Variants in KHDC4 observed in about 807,000 individuals in gnomAD.
The protein encoded by KHDC4 is KH homology domain-containing protein 4.
In KHDC4, 19 loss-of-function variants were observed where a neutral mutation model predicts 74.5. The ratio of observed to expected loss-of-function variants is 0.26; its 90% CI spans 0.18 to 0.37. The LOEUF is 0.37. Ranked by LOEUF, KHDC4 falls within the 10% of genes least tolerant of loss-of-function variation. The probability of loss-of-function intolerance (pLI) is 1.00; values close to 1 mark genes in which losing one functional copy is unlikely to be tolerated. For missense variants in KHDC4, 632 were observed against 754.1 expected (o/e 0.84, Z 1.90); for synonymous variants, 253 against 266.1 (o/e 0.95, Z 0.48).
intron 4 of KHDC4, 23 bp from the exon 5 acceptor site, chr1:155,927,179 A>T (rs141987107): frequency 1.2e-6 from 2 of 1,606,458 alleles, no homozygotes; most frequent in Non-Finnish European, 1.7e-6. Flanking sequence ...ACAAAAAAGG[A>T]TGATCTCAAT....
In KHDC4 at chr1:155,934,361, TC is replaced by T; in HGVS notation, c.12del (p.Ser5AlafsTer72). On this transcript the variant is annotated frameshift_variant, in exon 1 of 14. Transcript: ENST00000368321. LOFTEE classifies it high-confidence loss of function. Reference sequence around the variant, plus strand: ...CCGCCAGCTCCAGGATGTGTCGCGCTCCCCGCGGACATGGCGACCGCTTCTA... The same window carrying T: ...CCGCCAGCTCCAGGATGTGTCGCGCTCCCGCGGACATGGCGACCGCTTCTA... MSAGSATHPGAGGR... is the reference protein window; with the variant it reads MSAXSATHPGAGGR... 1.2e-6 allele frequency: 2 copies of T among 1,611,294 alleles called. No individual in the cohort carries two copies.
chr1:155,933,531 G>A (rs1203364789), intron 2 of KHDC4, 102 bp downstream of exon 2: 11 of 816,528 alleles, frequency 1.3e-5, no homozygotes, highest in South Asian at 3.6e-5. Context: ...TGATCCACCC[G>A]CCTCGGCCTC....
At chr1:155,918,039 G>A (rs538616958) in intron 10 of KHDC4, among the ~76,000 whole-genome samples, 2 of 152,258 alleles carry the variant, frequency 1.3e-5, no homozygotes, top group Admixed American at 6.5e-5. Context: ...AATGCTTGTG[G>A]AAGAAGCAAT....
At chr1:155,922,735 C>G (rs1673893983) in intron 8 of KHDC4, among the ~76,000 whole-genome samples, 1 of 152,026 alleles carries the variant, frequency 6.6e-6, no homozygotes, top group Non-Finnish European at 1.5e-5. Flanking sequence ...ACCTCAAGTA[C>G]CAACAAAGAT....
chr1:155,916,639 CTCTT>C lies in KHDC4; in HGVS notation c.1535_1538del (p.Lys512ArgfsTer8). On this transcript the variant is annotated frameshift_variant, in exon 12 of 14. Coordinates refer to ENST00000368321, the MANE Select transcript of KHDC4 (RefSeq NM_014949.4). LOFTEE classifies it high-confidence loss of function. Reference sequence around the variant, plus strand: ...TTCCAACTTACCTGTCCCTCTCTCTCTCTTTGCCTGAGGAACTTGCTGGCTTCGA... The same window carrying C: ...TTCCAACTTACCTGTCCCTCTCTCTCTGCCTGAGGAACTTGCTGGCTTCGA... The C allele has an allele frequency of 1.2e-6, 2 of 1,611,912 alleles. No homozygotes were observed. The highest frequency in any genetic ancestry group is 1.7e-6 in the Non-Finnish European group (2 of 1,178,662).
chr1:155,914,364 G>GAAA, intron 13 of KHDC4, 44 bp from the exon 14 acceptor site: 2 of 1,103,826 alleles, frequency 1.8e-6, no homozygotes, highest in African/African-American at 1.7e-5. Flanking sequence ...CCCGCCAAGG[G>GAAA]AAAAAAAAAA....
intron 8 of KHDC4, 123 bp downstream of exon 8, chr1:155,923,504 C>G: frequency 2.8e-6 from 2 of 705,582 alleles, no homozygotes; most frequent in Non-Finnish European, 5.1e-6. Flanking sequence ...TTATTTTAAG[C>G]CACCCAACTG....
At chr1:155,914,598 G>T in intron 13 of KHDC4, 1 of 374,158 alleles carries the variant, frequency 2.7e-6, no homozygotes, top group African/African-American at 2.1e-5. Flanking sequence ...AAGTTAGCAA[G>T]TGAGTCTCTT....
At chr1:155,924,989 G>C (rs1422699039) in intron 7 of KHDC4, among the ~76,000 whole-genome samples, 1 of 150,066 alleles carries the variant, frequency 6.7e-6, no homozygotes, top group Non-Finnish European at 1.5e-5. Context: ...TCAGCCTACT[G>C]AGCAGCTGGG....
chr1:155,913,807 G>A lies in KHDC4; in HGVS notation c.*314C>T, dbSNP rs1306325206. On this transcript the variant is annotated 3_prime_UTR_variant, in exon 14 of 14. Transcript: ENST00000368321. Reference sequence around the variant, plus strand: ...AACTGGGGCTATTCACCTGGAAAAGGCTGACCAGGTCAAATGTGTATGGGA... The same window carrying A: ...AACTGGGGCTATTCACCTGGAAAAGACTGACCAGGTCAAATGTGTATGGGA... The A allele has an allele frequency of 7.2e-6, 2 of 276,186 alleles. No homozygotes were observed. The highest frequency in any genetic ancestry group is 9.6e-5 in the Admixed American group (2 of 20,834). 17.1% of individuals were successfully genotyped at this position (276,186 alleles called of 1,614,324 possible).
chr1:155,917,903 G>A (rs897772473), intron 10 of KHDC4, among the ~76,000 whole-genome samples: 31 of 152,262 alleles, frequency 2.0e-4, no homozygotes, highest in African/African-American at 7.0e-4. Context: ...GAACTTTTAA[G>A]AAAACTCTGT....
intron 8 of KHDC4, among the ~76,000 whole-genome samples, chr1:155,922,767 T>A (rs185951229): frequency 5.3e-5 from 8 of 152,234 alleles, no homozygotes; most frequent in Admixed American, 3.9e-4. Context: ...AAGAAAATTA[T>A]CCGGTACAAG....
Position 155,929,380 on chromosome 1 carries a change from A to G in KHDC4, c.385-5T>C. The G allele has an allele frequency of 6.2e-7, 1 of 1,611,290 alleles. No homozygotes were observed. Among genetic ancestry groups the G allele is most frequent in the Non-Finnish European group, 8.5e-7 (1 of 1,178,302 alleles). ...AGCCCCACTAAGTCGGCTGATCTAA[A>G]AAAGGAAATGTTCAATTAAAAAAAT... is the stretch of plus-strand genomic sequence containing the variant. On this transcript the variant is annotated splice_region_variant and splice_polypyrimidine_tract_variant and intron_variant, in intron 3 of 13. Coordinates refer to ENST00000368321, the MANE Select transcript of KHDC4 (RefSeq NM_014949.4).
intron 1 of KHDC4, 82 bp from the exon 2 acceptor site, chr1:155,933,931 T>C: frequency 9.1e-7 from 1 of 1,100,446 alleles, no homozygotes; most frequent in Non-Finnish European, 1.3e-6. Flanking sequence ...AGCACCCCAT[T>C]TTCCCTCTAT....
In KHDC4 at chr1:155,929,320, T is replaced by A. The variant is rs778427240; in HGVS notation, c.440A>T (p.Glu147Val). ...CCCTGGTCCCACTTTGGCTTTTTCC[T>A]CAGTTGTCATGAACCTCCCTCGAGT... The part of the protein sequence containing the change: ...VSTRGRFMTT[E>V]EKAKVGPGDR... The change falls in exon 4 of 14, where the codon GAG becomes GTG. Residue 147 changes from glutamate to valine, a missense_variant. Around this residue, in one of 4 missense-constraint regions of KHDC4, gnomAD observed 233 missense variants for 342.6 expected, o/e 0.68. Coordinates refer to ENST00000368321, the MANE Select transcript of KHDC4 (RefSeq NM_014949.4). The A allele has an allele frequency of 5.6e-6, 9 of 1,613,978 alleles. No homozygotes were observed. In the South Asian group the frequency reaches 9.9e-5, roughly 18 times the overall value.
At chr1:155,922,133 A>G (rs1465755198) in intron 8 of KHDC4, 2 of 288,800 alleles carry the variant, frequency 6.9e-6, no homozygotes, top group Non-Finnish European at 1.3e-5. Context: ...GCGATCTTGT[A>G]TCACTGCAAA....
intron 8 of KHDC4, 124 bp downstream of exon 8, chr1:155,923,503 G>T: frequency 1.4e-6 from 1 of 701,884 alleles, no homozygotes; most frequent in Non-Finnish European, 2.6e-6. Context: ...GTTATTTTAA[G>T]CCACCCAACT....
chr1:155,926,145 T>C (rs1367413076), intron 6 of KHDC4: 8 of 560,298 alleles, frequency 1.4e-5, no homozygotes, highest in Non-Finnish European at 2.7e-5. Flanking sequence ...ACAACATGTA[T>C]ACCTTCTGCT....
chr1:155,917,936 T>C (rs1008231835), intron 10 of KHDC4, among the ~76,000 whole-genome samples: 2 of 152,150 alleles, frequency 1.3e-5, no homozygotes, highest in Admixed American at 1.3e-4. Context: ...CTACTAGGAG[T>C]AAACATGACC....
Sources: allele counts gnomAD v4.1 joint callset (sites outside exome capture counted in the v4.1 genomes callset), GRCh38; gene constraint gnomAD v4.1.1; regional missense constraint gnomAD v4.1.1; transcripts MANE v1.5; gene names NCBI Gene and HGNC (gene_info 2026-07-23, HGNC 2026-07-21).